ABL1: variants seen among roughly 807,000 people sequenced by gnomAD.
The protein encoded by ABL1 is ABL proto-oncogene 1, non-receptor tyrosine kinase, also known as tyrosine-protein kinase ABL1.
ABL1 carries 11 observed loss-of-function variants against 94.7 expected under a neutral mutation model. The observed-to-expected ratio is 0.12, with a 90% confidence interval of 0.07 to 0.19. The LOEUF (loss-of-function observed/expected upper bound fraction) is 0.19. Among genes scored for constraint, ABL1 ranks in the 10% least tolerant of loss-of-function variants. ABL1 has a pLI of 1.00. For missense variants in ABL1, 1,082 were observed against 1,489.4 expected (o/e 0.73, Z 4.50); for synonymous variants, 656 against 622.4 (o/e 1.05, Z -0.80).
At chr9:130,874,126 A>G (rs1053317572) in intron 6 of ABL1, among the ~76,000 whole-genome samples, 7 of 152,182 alleles carry the variant, frequency 4.6e-5, no homozygotes, top group African/African-American at 1.4e-4. Flanking sequence ...CGATCAGGCT[A>G]TCTCACGCAG....
chr9:130,877,768 G>A (rs1276909169), intron 7 of ABL1, among the ~76,000 whole-genome samples: 1 of 145,854 alleles, frequency 6.9e-6, no homozygotes, highest in Non-Finnish European at 1.5e-5. Context: ...AGCCTCCAAA[G>A]TAGCCAGGAC....
At position 130,862,403 on chromosome 9, in the gene ABL1, G is replaced by C. The variant is rs181498065; in HGVS notation, c.550-360G>C. 6.6e-6 allele frequency among the ~76,000 whole-genome samples: 1 copy of C among 152,120 alleles called. No individual in the cohort carries two copies. Among genetic ancestry groups the C allele is most frequent in the African/African-American group, 2.4e-5 (1 of 41,404 alleles). On this transcript the variant is annotated intron_variant, in intron 3 of 10. Transcript: ENST00000318560. The surrounding 1 kb of genome is among the most constrained non-coding windows in gnomAD (Gnocchi z 5.5). ...GACAGGTGGTAGGATGACCCGTGCC[G>C]TGTGATGACTTTAGATTGGGTGGTT...
chr9:130,714,573 G>T, intron 1 of ABL1: 1 of 1,320,888 alleles, frequency 7.6e-7, no homozygotes, highest in Non-Finnish European at 1.1e-6. Context: ...TAATAAATTT[G>T]TTACTGTAGT....
chr9:130,723,834 T>G (rs946046080), intron 1 of ABL1, among the ~76,000 whole-genome samples: 2 of 151,962 alleles, frequency 1.3e-5, no homozygotes, highest in Non-Finnish European at 2.9e-5. Flanking sequence ...TTTTTTGAGA[T>G]GGAGTCTCGC....
chr9:130,785,499 T>C (rs1237461648), intron 1 of ABL1, among the ~76,000 whole-genome samples: 1 of 152,168 alleles, frequency 6.6e-6, no homozygotes, highest in East Asian at 1.9e-4. Context: ...TCCTAAGTTC[T>C]TAGTTCCTCC....
intron 1 of ABL1, among the ~76,000 whole-genome samples, chr9:130,772,184 A>C (rs2132768573): frequency 6.6e-6 from 1 of 152,366 alleles, no homozygotes; most frequent in Non-Finnish European, 1.5e-5. Flanking sequence ...ACTTCTAAGC[A>C]GTTGTGACTG....
At chr9:130,845,859 TA>T (rs11393708) in intron 1 of ABL1, among the ~76,000 whole-genome samples, 1,904 of 146,324 alleles carry the variant, frequency 0.013, 41 homozygotes, top group African/African-American at 0.042. Flanking sequence ...AAACTCTATC[TA>T]AAAAAAAAAA....
At chr9:130,731,884 T>C (rs529423821) in intron 1 of ABL1, among the ~76,000 whole-genome samples, 16 of 150,606 alleles carry the variant, frequency 1.1e-4, no homozygotes, top group African/African-American at 1.7e-4. Context: ...AGAATTCTTA[T>C]TGATGAAAGA....
chr9:130,850,583 T>TAC (rs1830840857), intron 1 of ABL1, among the ~76,000 whole-genome samples: 1 of 152,218 alleles, frequency 6.6e-6, no homozygotes, highest in Non-Finnish European at 1.5e-5. Context: ...CTCAGCTTAC[T>TAC]ACAACCTCTG....
At chr9:130,830,849 A>G (rs777039752), upstream of ABL1, among the ~76,000 whole-genome samples, 2 of 152,174 alleles carry the variant, frequency 1.3e-5, no homozygotes, top group African/African-American at 4.8e-5. Flanking sequence ...GTCGTTGCCC[A>G]TGGCCCCACA....
chr9:130,872,301 C>G lies in ABL1; in HGVS notation c.907+88C>G, dbSNP rs1172480588. ...CTGGGGAAGACGCACGGGCGGCTCACTGCACAAAACCTCGTTGGAATATTT... is the reference window on the plus strand; with the variant it reads ...CTGGGGAAGACGCACGGGCGGCTCAGTGCACAAAACCTCGTTGGAATATTT... On this transcript the variant is annotated intron_variant, in intron 5 of 10. Coordinates refer to ENST00000318560, the MANE Select transcript of ABL1 (RefSeq NM_005157.6). The surrounding 1 kb of genome is among the most constrained non-coding windows in gnomAD (Gnocchi z 5.0). The G allele has an allele frequency of 3.3e-6, 4 of 1,209,124 alleles. No individual in the cohort carries two copies. Among genetic ancestry groups the G allele is most frequent in the Non-Finnish European group, 4.7e-6 (4 of 845,826 alleles). 74.9% of individuals were successfully genotyped at this position (1,209,124 alleles called of 1,614,324 possible). A position where few individuals can be genotyped will look rare whatever the true frequency, so the allele number is the denominator to read the frequency against.
chr9:130,739,836 T>C (rs1260685377), intron 1 of ABL1, among the ~76,000 whole-genome samples: 4 of 152,108 alleles, frequency 2.6e-5, no homozygotes, highest in Non-Finnish European at 5.9e-5. Flanking sequence ...TTACTTGAGC[T>C]CAGGAGTTTG....
At position 130,759,963 on chromosome 9, in the gene ABL1, ATTTTTTT is replaced by A. The variant is rs34154339; in HGVS notation, c.136+45528_136+45534del. Among the ~76,000 whole-genome samples the A allele has an allele frequency of 1.4e-3, 126 of 93,010 alleles. No homozygotes were observed. In the Middle Eastern group the frequency reaches 0.019, roughly 14 times the overall value. 61.0% of individuals were successfully genotyped at this position (93,010 alleles called of 152,430 possible). The stretch of plus-strand genomic sequence containing the variant: ...TTGTGCCACACATTTAGGTAATTTA[ATTTTTTT>A]TTTTTTTTTTTTTTTTTTTGGAGAC... On this transcript the variant is annotated intron_variant, in intron 1 of 10. Coordinates refer to the ABL1 transcript ENST00000372348.
chr9:130,838,297 A>C lies in ABL1; in HGVS notation c.79+2772A>C, dbSNP rs1434879626. ...GATGTCTCTTTTGGAATTCACTGTG[A>C]TTTTCAAAATGGTATCTCCAGAAAC... On this transcript the variant is annotated intron_variant, in intron 1 of 10. Coordinates refer to ENST00000318560, the MANE Select transcript of ABL1 (RefSeq NM_005157.6). Among the ~76,000 whole-genome samples, 4 of 152,070 alleles carry C rather than the reference A, an allele frequency of 2.6e-5. No individual in the cohort carries two copies. The East Asian group carries it at 5.8e-4, about 22-fold the overall frequency.
At chr9:130,813,946 G>A (rs1201957511) in intron 1 of ABL1, among the ~76,000 whole-genome samples, 1 of 152,140 alleles carries the variant, frequency 6.6e-6, no homozygotes, top group Non-Finnish European at 1.5e-5. Flanking sequence ...CCCACTTTTA[G>A]AAATTAGAAA....
At chr9:130,864,237 A>G (rs1319314610) in intron 4 of ABL1, among the ~76,000 whole-genome samples, 30 of 152,072 alleles carry the variant, frequency 2.0e-4, no homozygotes, top group Admixed American at 2.0e-3. Flanking sequence ...GATATTTCTC[A>G]GATAGGACTT....
chr9:130,856,332 C>A (rs546299054), intron 3 of ABL1, among the ~76,000 whole-genome samples: 56 of 152,288 alleles, frequency 3.7e-4, no homozygotes, highest in South Asian at 1.0e-3. Context: ...AGGTGATCCA[C>A]CTGCCTCAGC....
chr9:130,859,546 G>C (rs1831030701), intron 3 of ABL1, among the ~76,000 whole-genome samples: 1 of 151,878 alleles, frequency 6.6e-6, no homozygotes, highest in Admixed American at 6.6e-5. Flanking sequence ...CTTCCTGGCT[G>C]AGCAACCTGT....
chr9:130,741,524 T>G (rs985663447), intron 1 of ABL1, among the ~76,000 whole-genome samples: 1 of 149,804 alleles, frequency 6.7e-6, no homozygotes, highest in Non-Finnish European at 1.5e-5. Flanking sequence ...CACACTGATA[T>G]ACTAGTTACC....
Sources: allele counts gnomAD v4.1 joint callset (sites outside exome capture counted in the v4.1 genomes callset), GRCh38; gene constraint gnomAD v4.1.1; non-coding constraint Gnocchi (gnomAD v3.1); transcripts MANE v1.5; gene names NCBI Gene and HGNC (gene_info 2026-07-23, HGNC 2026-07-21).